SRBD1: variants seen among roughly 807,000 people sequenced by gnomAD.
SRBD1 encodes the protein S1 RNA binding domain 1.
A neutral mutation model predicts 115.3 loss-of-function variants in SRBD1; 88 were observed. The ratio of observed to expected loss-of-function variants is 0.76; its 90% confidence interval spans 0.64 to 0.91. The LOEUF is 0.91. Ranked by LOEUF, SRBD1 falls within the 40% of genes least tolerant of loss-of-function variation. The probability of loss-of-function intolerance (pLI) is 0.00; values close to 1 mark genes in which losing one functional copy is unlikely to be tolerated. For missense variants in SRBD1, 1,385 were observed against 1,177.4 expected (o/e 1.18, Z -2.58); for synonymous variants, 509 against 407.7 (o/e 1.25, Z -2.99).
intron 16 of SRBD1, among the ~76,000 whole-genome samples, chr2:45,446,355 A>T (rs982528542): frequency 3.3e-5 from 5 of 152,164 alleles, no homozygotes; most frequent in African/African-American, 1.2e-4. Flanking sequence ...CCCCATTATC[A>T]TGCCTGGGGG....
intron 14 of SRBD1, among the ~76,000 whole-genome samples, chr2:45,509,025 G>C (rs1269003465): frequency 6.6e-6 from 1 of 152,026 alleles, no homozygotes; most frequent in African/African-American, 2.4e-5. Context: ...ATACATGCTA[G>C]TACACAAATT....
intron 2 of SRBD1, 53 bp downstream of exon 2, chr2:45,605,309 C>T (rs1204113422): frequency 1.9e-6 from 3 of 1,549,382 alleles, no homozygotes; most frequent in South Asian, 2.3e-5. Context: ...TGCATTACTC[C>T]TTATTAAAAT....
chr2:45,463,900 A>G (rs942436229), intron 16 of SRBD1, among the ~76,000 whole-genome samples: 4 of 152,230 alleles, frequency 2.6e-5, no homozygotes, highest in Non-Finnish European at 5.9e-5. Context: ...AAGAACTTCC[A>G]TAACTTACAT....
At chr2:45,477,597 T>G (rs1403926042) in intron 15 of SRBD1, among the ~76,000 whole-genome samples, 2 of 152,322 alleles carry the variant, frequency 1.3e-5, no homozygotes, top group Middle Eastern at 6.8e-3. Flanking sequence ...TTACCCTGGA[T>G]AGAGTGCAGT....
intron 16 of SRBD1, among the ~76,000 whole-genome samples, chr2:45,474,226 C>A (rs1357089018): frequency 6.6e-6 from 1 of 152,190 alleles, no homozygotes; most frequent in Non-Finnish European, 1.5e-5. Flanking sequence ...GTCTCACTCG[C>A]TATTACTTTT....
intron 16 of SRBD1, among the ~76,000 whole-genome samples, chr2:45,431,535 A>T (rs937543524): frequency 6.6e-6 from 1 of 152,196 alleles, no homozygotes; most frequent in Non-Finnish European, 1.5e-5. Context: ...ACAGAAAACC[A>T]AACACCACAT....
At chr2:45,540,780 A>C (rs1671908982) in intron 14 of SRBD1, among the ~76,000 whole-genome samples, 1 of 152,256 alleles carries the variant, frequency 6.6e-6, no homozygotes, top group African/African-American at 2.4e-5. Flanking sequence ...CATGATCATT[A>C]ATCACTAGGA....
chr2:45,605,185 G>A (rs1674226447), intron 2 of SRBD1, among the ~76,000 whole-genome samples, 177 bp downstream of exon 2: 1 of 152,076 alleles, frequency 6.6e-6, no homozygotes, highest in Non-Finnish European at 1.5e-5. Context: ...TACTTTATTA[G>A]CAACACTAGA....
rs145337971 is a variant in SRBD1 at position 45,433,440 on chromosome 2, G to GA, written c.2050-13547dup. On this transcript the variant is annotated intron_variant, in intron 16 of 20. Transcript: ENST00000263736. ...AAAAATAAATTTAAGCTTAACCCAG[G>GA]AAAAAAAAAGCTTTACAGGAACAGT... is the stretch of plus-strand genomic sequence containing the variant. Among the ~76,000 whole-genome samples the GA allele has an allele frequency of 5.3e-5, 8 of 150,344 alleles. No individual in the cohort carries two copies. In the East Asian group the frequency reaches 1.2e-3, roughly 22 times the overall value.
At chr2:45,436,337 C>G (rs765830635) in intron 16 of SRBD1, among the ~76,000 whole-genome samples, 2 of 152,156 alleles carry the variant, frequency 1.3e-5, no homozygotes, top group Non-Finnish European at 2.9e-5. Context: ...ATATTTCCCA[C>G]TAAGATCAGA....
chr2:45,538,206 G>C (rs767725462), intron 14 of SRBD1, among the ~76,000 whole-genome samples: 6 of 152,144 alleles, frequency 3.9e-5, no homozygotes, highest in Non-Finnish European at 7.4e-5. Context: ...AACAAAAATA[G>C]AAAAATTCTT....
intron 12 of SRBD1, chr2:45,548,956 G>C (rs1672206373): frequency 6.6e-6 from 1 of 152,194 alleles, no homozygotes; most frequent in South Asian, 2.1e-4. Context: ...TGATGGAACT[G>C]AGAACAGGAG....
intron 19 of SRBD1, among the ~76,000 whole-genome samples, chr2:45,412,067 C>G (rs1042708888): frequency 6.6e-6 from 1 of 152,114 alleles, no homozygotes; most frequent in African/African-American, 2.4e-5. Flanking sequence ...GATCACACCA[C>G]TGCACTCCAG....
chr2:45,605,350 C>T lies in SRBD1; in HGVS notation c.80+12G>A. On this transcript the variant is annotated intron_variant, in intron 2 of 20. Coordinates refer to ENST00000263736, the MANE Select transcript of SRBD1 (RefSeq NM_018079.5). ...TCATTCCCCTACCCACATATTAAAC[C>T]AGTATGCTTACAACTCAGAGAATGA... The T allele has an allele frequency of 6.2e-7, 1 of 1,608,670 alleles. No homozygotes were observed. Among genetic ancestry groups the T allele is most frequent in the Non-Finnish European group, 8.5e-7 (1 of 1,176,468 alleles).
chr2:45,567,604 G>C (rs1672872787), intron 9 of SRBD1, among the ~76,000 whole-genome samples: 1 of 147,604 alleles, frequency 6.8e-6, no homozygotes, highest in African/African-American at 2.5e-5. Context: ...GCAAGATACT[G>C]TCTAAGAAAA....
At chr2:45,434,777 T>C (rs931230139) in intron 16 of SRBD1, among the ~76,000 whole-genome samples, 4 of 152,084 alleles carry the variant, frequency 2.6e-5, no homozygotes, top group African/African-American at 9.7e-5. Context: ...TTTTCTTTTT[T>C]TTTTTAATTA....
At chr2:45,477,174 G>T in intron 15 of SRBD1, 99 bp from the exon 16 acceptor site, 1 of 900,514 alleles carries the variant, frequency 1.1e-6, no homozygotes, top group Non-Finnish European at 1.7e-6. Context: ...ACTTAATCCT[G>T]TCCCTCCTCA....
At chr2:45,597,831 CTT>C (rs928331322) in intron 4 of SRBD1, among the ~76,000 whole-genome samples, 2 of 152,192 alleles carry the variant, frequency 1.3e-5, no homozygotes, top group African/African-American at 4.8e-5. Context: ...TTCTACATCT[CTT>C]TCCCTGTAAC....
At chr2:45,394,057 AAAG>A (rs1374515008) in intron 19 of SRBD1, among the ~76,000 whole-genome samples, 60 of 152,356 alleles carry the variant, frequency 3.9e-4, no homozygotes, top group Non-Finnish European at 8.8e-5. Flanking sequence ...GGGATATCAA[AAAG>A]AAAAAGTAAC....
Sources: allele counts gnomAD v4.1 joint callset (sites outside exome capture counted in the v4.1 genomes callset), GRCh38; gene constraint gnomAD v4.1.1; transcripts MANE v1.5; gene names NCBI Gene and HGNC (gene_info 2026-07-23, HGNC 2026-07-21).